DENND2A: variants seen among roughly 807,000 people sequenced by gnomAD.
DENND2A encodes the protein DENN domain-containing protein 2A.
DENND2A carries 53 observed loss-of-function variants against 105.3 expected under a neutral mutation model. That is an observed-to-expected ratio of 0.50 (90% CI 0.40 to 0.63). The LOEUF (loss-of-function observed/expected upper bound fraction) is 0.63, where lower values mean the gene tolerates loss of function less well. Among genes scored for constraint, DENND2A ranks in the 30% least tolerant of loss-of-function variants. The pLI is 0.00. For missense variants in DENND2A, 1,138 were observed against 1,279.6 expected (o/e 0.89, Z 1.69); for synonymous variants, 522 against 508.4 (o/e 1.03, Z -0.36).
chr7:140,555,987 CA>C (rs915698637), intron 11 of DENND2A, among the ~76,000 whole-genome samples: 45 of 150,834 alleles, frequency 3.0e-4, no homozygotes, highest in East Asian at 2.9e-3. Flanking sequence ...AATTTTCAAA[CA>C]AAAAAAAATC....
rs949058712 is a variant in DENND2A, at chr7:140,521,849, C to T, written c.2911+6G>A. The T allele has an allele frequency of 1.2e-6, 2 of 1,613,500 alleles. No homozygotes were observed. Among genetic ancestry groups the T allele is most frequent in the Non-Finnish European group, 1.7e-6 (2 of 1,179,738 alleles). Reference sequence around the variant, plus strand: ...ACTCGGCCCCAACAGAGAAGATGCCCCTCACCTTTGGCATCCTGCCGGCGC... The same window carrying T: ...ACTCGGCCCCAACAGAGAAGATGCCTCTCACCTTTGGCATCCTGCCGGCGC... On this transcript the variant is annotated splice_donor_region_variant and intron_variant, in intron 18 of 19. Coordinates refer to ENST00000496613, the MANE Select transcript of DENND2A (RefSeq NM_015689.5).
chr7:140,547,788 G>A (rs571482846), intron 12 of DENND2A, among the ~76,000 whole-genome samples: 23 of 152,138 alleles, frequency 1.5e-4, no homozygotes, highest in Non-Finnish European at 5.9e-5. Context: ...TCCATATAAT[G>A]GAATATTATT....
chr7:140,628,114 T>A (rs1051365803), intron 1 of DENND2A, among the ~76,000 whole-genome samples: 1 of 152,172 alleles, frequency 6.6e-6, no homozygotes, highest in East Asian at 1.9e-4. Context: ...CTTAATGAAT[T>A]AGTAATAACA....
chr7:140,524,529 C>T (rs1432855390), intron 16 of DENND2A, among the ~76,000 whole-genome samples: 3 of 151,976 alleles, frequency 2.0e-5, no homozygotes, highest in African/African-American at 4.8e-5. Flanking sequence ...CGTGCGTGCG[C>T]GCACACACGC....
chr7:140,544,689 G>A lies in DENND2A; in HGVS notation c.2256C>T (p.Val752=), dbSNP rs1563129301. The part of the protein sequence containing the change: ...DFESLFSSLS[V]RHLVCVFASL... ...AGGCAAACACACAGACCAGGTGGCG[G>A]ACGCTGAGGGAGGAGAAGAGAGACT... Residue 752 remains valine (V), a synonymous_variant, in exon 14 of 20, where the codon GTC becomes GTT. Transcript: ENST00000496613. The A allele has an allele frequency of 2.5e-6, 4 of 1,613,898 alleles. No homozygotes were observed. Among genetic ancestry groups the A allele is most frequent in the Non-Finnish European group, 2.5e-6 (3 of 1,179,944 alleles).
chr7:140,584,466 T>A (rs972230080), intron 5 of DENND2A, among the ~76,000 whole-genome samples: 1 of 152,122 alleles, frequency 6.6e-6, no homozygotes, highest in African/African-American at 2.4e-5. Context: ...AGGCTCTGGA[T>A]GGAAGGGGCA....
chr7:140,543,271 A>G (rs1585589200), intron 14 of DENND2A, among the ~76,000 whole-genome samples: 1 of 146,196 alleles, frequency 6.8e-6, no homozygotes, highest in Non-Finnish European at 1.5e-5. Context: ...GGCTCGAGCC[A>G]CCATACCTGG....
intron 1 of DENND2A, among the ~76,000 whole-genome samples, chr7:140,634,842 AG>A (rs571784423): frequency 7.2e-5 from 11 of 152,098 alleles, no homozygotes; most frequent in Non-Finnish European, 1.2e-4. Context: ...ACTGCACTCC[AG>A]TGCAGCTACT....
intron 8 of DENND2A, among the ~76,000 whole-genome samples, chr7:140,568,395 G>C (rs1470339445): frequency 6.6e-6 from 1 of 152,194 alleles, no homozygotes; most frequent in Admixed American, 6.5e-5. Flanking sequence ...GATCTTAAGT[G>C]ATTTCCTCCA....
intron 6 of DENND2A, among the ~76,000 whole-genome samples, chr7:140,571,955 T>C (rs1169700057): frequency 2.6e-5 from 4 of 151,914 alleles, no homozygotes; most frequent in East Asian, 1.9e-4. Context: ...AAAGGTGCAT[T>C]CCCTAAGTGG....
intron 5 of DENND2A, among the ~76,000 whole-genome samples, chr7:140,584,936 T>C (rs1798716497): frequency 6.6e-6 from 1 of 152,202 alleles, no homozygotes; most frequent in Non-Finnish European, 1.5e-5. Context: ...CGGTGGCTCA[T>C]GCCTGTAATC....
Position 140,523,560 on chromosome 7 carries a change from T to A in DENND2A, c.2548-136A>T, listed in dbSNP as rs1795938811. 1.4e-6 allele frequency: 1 copy of A among 704,284 alleles called. No homozygotes were observed. Among genetic ancestry groups the A allele is most frequent in the South Asian group, 1.8e-5 (1 of 55,296 alleles). The allele number at this position is 704,284 out of a possible 1,614,324, so 43.6% of individuals were successfully genotyped here. ...AAGGAATACAACTGAAAGCCAGAGG[T>A]CTGAGGTTTCAATCTTGAGCCTACT... On this transcript the variant is annotated intron_variant, in intron 16 of 19. Transcript: ENST00000496613. This position sits in a 1 kb window ranked among gnomAD's most constrained non-coding sequence, Gnocchi z 4.5.
intron 14 of DENND2A, among the ~76,000 whole-genome samples, chr7:140,534,102 T>TTTTTTTTTTTTTTTTTTTG (rs1491445966): frequency 7.6e-6 from 1 of 132,314 alleles, no homozygotes; most frequent in African/African-American, 2.9e-5. Context: ...TTTTTTTTTT[T>TTTTTTTTTTTTTTTTTTTG]GAGATGGAGT....
chr7:140,541,928 C>G (rs1796676551), intron 14 of DENND2A, among the ~76,000 whole-genome samples: 1 of 152,258 alleles, frequency 6.6e-6, no homozygotes, highest in Admixed American at 6.5e-5. Flanking sequence ...TCCCGCCCCG[C>G]CTCCTGAGGA....
chr7:140,562,495 A>G (rs1219544792), intron 9 of DENND2A, among the ~76,000 whole-genome samples: 1 of 152,014 alleles, frequency 6.6e-6, no homozygotes. Context: ...CCCCGTCTCT[A>G]CTAAAAATAC....
At chr7:140,563,676 T>TAAAAA (rs139848094) in intron 9 of DENND2A, among the ~76,000 whole-genome samples, 2 of 29,210 alleles carry the variant, frequency 6.8e-5, no homozygotes, top group Admixed American at 5.3e-4. Context: ...ACCATTGCAT[T>TAAAAA]AAAAAAAAAA....
rs894578881 is a variant in DENND2A, at chr7:140,527,857, C to T, written c.2328-362G>A. On this transcript the variant is annotated intron_variant, in intron 14 of 19. Coordinates refer to ENST00000496613, the MANE Select transcript of DENND2A (RefSeq NM_015689.5). This position sits in a 1 kb window ranked among gnomAD's most constrained non-coding sequence, Gnocchi z 4.9. ...ATTTATATTTTTAATTTTTTTGAGA[C>T]GGAGTCTCACTCTGTTGCCCAGGCT... is the stretch of plus-strand genomic sequence containing the variant. 2.0e-5 allele frequency among the ~76,000 whole-genome samples: 3 copies of T among 151,656 alleles called. No homozygotes were observed. The highest frequency in any genetic ancestry group is 4.8e-5 in the African/African-American group (2 of 41,276).
chr7:140,590,121 G>A (rs1319081599), intron 3 of DENND2A, among the ~76,000 whole-genome samples: 2 of 152,162 alleles, frequency 1.3e-5, no homozygotes, highest in African/African-American at 4.8e-5. Context: ...CGGGCGCGGT[G>A]GCTCATGTCT....
chr7:140,580,366 C>G (rs1490914096), intron 5 of DENND2A, among the ~76,000 whole-genome samples: 1 of 152,080 alleles, frequency 6.6e-6, no homozygotes, highest in Non-Finnish European at 1.5e-5. Context: ...GGCTCTCACT[C>G]TGGAGAGCTG....
Sources: allele counts gnomAD v4.1 joint callset (sites outside exome capture counted in the v4.1 genomes callset), GRCh38; gene constraint gnomAD v4.1.1; non-coding constraint Gnocchi (gnomAD v3.1); transcripts MANE v1.5; gene names NCBI Gene and HGNC (gene_info 2026-07-23, HGNC 2026-07-21).